ETV1: variants seen among roughly 807,000 people sequenced by gnomAD.
The protein encoded by ETV1 is ETS variant transcription factor 1.
In ETV1, 27 loss-of-function variants were observed where a neutral mutation model predicts 62.3. That is an observed-to-expected ratio of 0.43 (90% CI 0.32 to 0.60). The LOEUF is 0.60. ETV1 is among the 20% of genes least tolerant of loss of function. ETV1 has a pLI of 0.06. For missense variants in ETV1, 605 were observed against 605.8 expected, an observed-to-expected ratio of 1.00 and a Z score of 0.01; for synonymous variants, 222 against 199.6, an observed-to-expected ratio of 1.11 and a Z score of -0.94.
chr7:13,904,189 A>G (rs1339145507), intron 12 of ETV1, among the ~76,000 whole-genome samples: 1 of 152,222 alleles, frequency 6.6e-6, no homozygotes, highest in Non-Finnish European at 1.5e-5. Flanking sequence ...AACAGTCAGC[A>G]ATGCAGCAAT....
chr7:13,967,111 A>T (rs991174018), intron 6 of ETV1, among the ~76,000 whole-genome samples: 99 of 152,330 alleles, frequency 6.5e-4, no homozygotes, highest in African/African-American at 2.3e-3. Context: ...CATAAAAAAT[A>T]ACAGTAATGG....
At chr7:13,985,014 A>G (rs1345966242) in intron 5 of ETV1, among the ~76,000 whole-genome samples, 14 of 152,006 alleles carry the variant, frequency 9.2e-5, no homozygotes, top group Non-Finnish European at 1.9e-4. Flanking sequence ...CAGAGTTGCT[A>G]TGCACATTCA....
intron 5 of ETV1, among the ~76,000 whole-genome samples, chr7:13,979,059 C>G (rs1463548551): frequency 6.6e-6 from 1 of 152,018 alleles, no homozygotes. Context: ...TCATATTGCT[C>G]CAATATCTGA....
intron 6 of ETV1, among the ~76,000 whole-genome samples, chr7:13,967,756 T>C (rs550272079): frequency 5.3e-4 from 80 of 151,726 alleles, no homozygotes; most frequent in Non-Finnish European, 9.9e-4. Flanking sequence ...ACAATTACGA[T>C]GTGAAGGTCC....
intron 6 of ETV1, chr7:13,959,139 GTAA>G (rs1325699597): frequency 6.6e-6 from 1 of 151,070 alleles, no homozygotes; most frequent in Non-Finnish European, 1.5e-5. Context: ...TACAATAATA[GTAA>G]TAATATTAAT....
At position 13,900,732 on chromosome 7, in the gene ETV1, G is replaced by C. The variant is rs1364629588; in HGVS notation, c.1212+6C>G. The stretch of plus-strand genomic sequence containing the variant: ...AATGAATTTTAATGCTGTATTAGCT[G>C]CTCACCTTTTGCATAATTCCTTTCT... On this transcript the variant is annotated splice_donor_region_variant and intron_variant, in intron 13 of 13. Transcript: ENST00000430479. 6.3e-7 allele frequency: 1 copy of C among 1,576,420 alleles called. No homozygotes were observed. Among genetic ancestry groups the C allele is most frequent in the Non-Finnish European group, 8.7e-7 (1 of 1,150,602 alleles).
intron 6 of ETV1, among the ~76,000 whole-genome samples, chr7:13,977,062 G>A (rs1384040698): frequency 6.6e-6 from 1 of 152,174 alleles, no homozygotes; most frequent in Non-Finnish European, 1.5e-5. Flanking sequence ...TCAGCATCCA[G>A]GCATTTCTCT....
chr7:13,984,733 G>T (rs1284941928), intron 5 of ETV1, among the ~76,000 whole-genome samples: 1 of 151,822 alleles, frequency 6.6e-6, no homozygotes, highest in Non-Finnish European at 1.5e-5. Context: ...TCTAAGTAAA[G>T]GTCCATGTTC....
chr7:13,976,441 C>A (rs1781460610), intron 6 of ETV1, among the ~76,000 whole-genome samples: 1 of 152,104 alleles, frequency 6.6e-6, no homozygotes, highest in South Asian at 2.1e-4. Context: ...GTTAGAGAAT[C>A]TGGACAAAAC....
intron 8 of ETV1, among the ~76,000 whole-genome samples, 164 bp from the exon 9 acceptor site, chr7:13,931,913 A>C (rs780410046): frequency 6.6e-6 from 1 of 152,086 alleles, no homozygotes; most frequent in Non-Finnish European, 1.5e-5. Flanking sequence ...TAGTAGCTCT[A>C]TGTTTTTTAA....
In ETV1 at chr7:13,931,590, G is replaced by T. The variant is rs766745552; in HGVS notation, c.714C>A (p.His238Gln). 5 of 1,613,964 alleles carry T rather than the reference G, an allele frequency of 3.1e-6. No homozygotes were observed. The highest frequency in any genetic ancestry group is 4.2e-6 in the Non-Finnish European group (5 of 1,179,920). ...KQEYHDPVYE[H>Q]NTMVGSAASQ... ...TGGCCGCACTGCCAACCATGGTGTT[G>T]TGTTCATACACTGGGTCGTGGTACT... Residue 238 changes from histidine (H) to glutamine (Q), a missense_variant, in exon 9 of 14, where the codon CAC becomes CAA. Physicochemically the swap from His to Gln is conservative, Grantham distance 24 (BLOSUM62 0). Transcript: ENST00000430479.
At chr7:13,954,245 C>G (rs1789157814) in intron 6 of ETV1, among the ~76,000 whole-genome samples, 1 of 152,180 alleles carries the variant, frequency 6.6e-6, no homozygotes, top group African/African-American at 2.4e-5. Context: ...ATCAGTGATG[C>G]AAATACTTGC....
chr7:13,904,303 T>A (rs1302580053), intron 12 of ETV1, among the ~76,000 whole-genome samples: 6 of 152,230 alleles, frequency 3.9e-5, no homozygotes, highest in Admixed American at 2.0e-4. Context: ...CTCTACTGAC[T>A]CTGAATTATC....
chr7:13,896,935 TGAAAG>T (rs1781908494), intron 13 of ETV1, among the ~76,000 whole-genome samples: 1 of 151,646 alleles, frequency 6.6e-6, no homozygotes, highest in African/African-American at 2.4e-5. Context: ...TGTAAAAAAG[TGAAAG>T]GAATTTAAAA....
intron 6 of ETV1, among the ~76,000 whole-genome samples, chr7:13,961,589 A>G (rs938576909): frequency 3.9e-5 from 6 of 152,182 alleles, no homozygotes; most frequent in African/African-American, 1.4e-4. Flanking sequence ...TTGAAAAATC[A>G]ACACTTTTTT....
intron 6 of ETV1, among the ~76,000 whole-genome samples, chr7:13,948,865 C>A (rs766252334): frequency 1.3e-5 from 2 of 152,150 alleles, no homozygotes; most frequent in African/African-American, 2.4e-5. Flanking sequence ...TAATTTTAAT[C>A]TCTTAACTCT....
intron 8 of ETV1, among the ~76,000 whole-genome samples, chr7:13,935,283 G>A (rs1431232072): frequency 6.6e-6 from 1 of 152,158 alleles, no homozygotes; most frequent in Admixed American, 6.5e-5. Flanking sequence ...GCAAAACTAT[G>A]TACAGCTGAA....
intron 9 of ETV1, among the ~76,000 whole-genome samples, chr7:13,927,719 C>T (rs997925406): frequency 6.6e-6 from 1 of 152,140 alleles, no homozygotes; most frequent in South Asian, 2.1e-4. Context: ...AACTTAACTG[C>T]AGCAATTTCA....
chr7:13,945,028 C>T (rs1320965997), intron 6 of ETV1, among the ~76,000 whole-genome samples: 1 of 152,126 alleles, frequency 6.6e-6, no homozygotes, highest in East Asian at 1.9e-4. Context: ...CCGATCCCTG[C>T]TGACATCCTT....
Sources: allele counts gnomAD v4.1 joint callset (sites outside exome capture counted in the v4.1 genomes callset), GRCh38; gene constraint gnomAD v4.1.1; transcripts MANE v1.5; gene names NCBI Gene and HGNC (gene_info 2026-07-23, HGNC 2026-07-21).